TEKT3: variants seen among roughly 807,000 people sequenced by gnomAD.
The protein encoded by TEKT3 is tektin 3.
Under a neutral mutation model 49.8 loss-of-function variants are expected in TEKT3, and 49 were observed. That is an observed-to-expected ratio of 0.98 (90% confidence interval 0.78 to 1.25). TEKT3 has a LOEUF of 1.25. Among genes scored for constraint, TEKT3 ranks in the 50% most tolerant of loss-of-function variants. The probability of loss-of-function intolerance (pLI) is 0.00; values close to 1 mark genes in which losing one functional copy is unlikely to be tolerated. For missense variants in TEKT3, 595 were observed against 629.5 expected, an observed-to-expected ratio of 0.95 and a Z score of 0.59; for synonymous variants, 225 against 237.2, an observed-to-expected ratio of 0.95 and a Z score of 0.47.
At chr17:15,314,043 T>C (rs1710264357) in intron 6 of TEKT3, 44 bp downstream of exon 6, 2 of 1,613,418 alleles carry the variant, frequency 1.2e-6, no homozygotes, top group South Asian at 1.1e-5. Context: ...GGAGAAAGAG[T>C]TAAATGACAT....
chr17:15,313,925 C>T (rs1910879113), intron 6 of TEKT3, among the ~76,000 whole-genome samples, 162 bp downstream of exon 6: 1 of 152,242 alleles, frequency 6.6e-6, no homozygotes, highest in South Asian at 2.1e-4. Flanking sequence ...GGTCTGACCA[C>T]AGAACGTGCT....
chr17:15,331,649 C>T, intron 2 of TEKT3, 35 bp from the exon 3 acceptor site: 2 of 1,461,964 alleles, frequency 1.4e-6, no homozygotes, highest in Non-Finnish European at 1.8e-6. Flanking sequence ...AAGACAGTCA[C>T]ATAAAATAAT....
Position 15,304,604 on chromosome 17 carries a change from G to A in TEKT3, c.1257-452C>T, listed in dbSNP as rs1910465074. Among the ~76,000 whole-genome samples, 1 of 152,118 alleles carries A rather than the reference G, an allele frequency of 6.6e-6. No homozygotes were observed. Among genetic ancestry groups the A allele is most frequent in the South Asian group, 2.1e-4 (1 of 4,822 alleles). ...TGTACCTGCTTATCCAGGAAGCTAA[G>A]AAGGAAATTCAGCGCTTCAGTGGCC... On this transcript the variant is annotated intron_variant, in intron 8 of 8. Transcript: ENST00000395930. This position sits in a 1 kb window ranked among gnomAD's most constrained non-coding sequence, Gnocchi z 4.7.
chr17:15,337,536 A>C (rs1381610921), intron 2 of TEKT3, among the ~76,000 whole-genome samples: 1 of 152,210 alleles, frequency 6.6e-6, no homozygotes, highest in Non-Finnish European at 1.5e-5. Context: ...AATATAAAAC[A>C]CAAATAAGTT....
intron 2 of TEKT3, 71 bp from the exon 3 acceptor site, chr17:15,331,685 GC>G: frequency 1.7e-6 from 2 of 1,192,166 alleles, no homozygotes; most frequent in Non-Finnish European, 2.3e-6. Flanking sequence ...CAGATAAAAG[GC>G]CACATCTGAC....
At chr17:15,322,660 G>A (rs924356663) in intron 4 of TEKT3, among the ~76,000 whole-genome samples, 1 of 152,162 alleles carries the variant, frequency 6.6e-6, no homozygotes, top group African/African-American at 2.4e-5. Context: ...CTTTATATGT[G>A]GTTCTATTTA....
chr17:15,317,341 A>G (rs999540927), intron 5 of TEKT3, among the ~76,000 whole-genome samples: 1 of 152,180 alleles, frequency 6.6e-6, no homozygotes, highest in African/African-American at 2.4e-5. Context: ...AACACAAAAG[A>G]TGGGCAGCAG....
At chr17:15,330,565 G>T (rs1334511482) in intron 3 of TEKT3, among the ~76,000 whole-genome samples, 1 of 152,172 alleles carries the variant, frequency 6.6e-6, no homozygotes, top group Non-Finnish European at 1.5e-5. Flanking sequence ...CTTCTGCCAT[G>T]ATTGGAAGCT....
At chr17:15,327,516 C>CAA (rs34068186) in intron 4 of TEKT3, among the ~76,000 whole-genome samples, 24 of 128,196 alleles carry the variant, frequency 1.9e-4, no homozygotes, top group Middle Eastern at 4.1e-3. Flanking sequence ...GACTCTGTCT[C>CAA]AAAAAAAAAA....
chr17:15,312,095 T>G (rs1910792387), intron 7 of TEKT3, among the ~76,000 whole-genome samples, 164 bp downstream of exon 7: 1 of 152,202 alleles, frequency 6.6e-6, no homozygotes, highest in African/African-American at 2.4e-5. Context: ...GCTACCTGGC[T>G]GAAATAAATG....
upstream of TEKT3, among the ~76,000 whole-genome samples, chr17:15,341,977 C>G (rs1024623714): frequency 1.3e-5 from 2 of 152,148 alleles, no homozygotes; most frequent in South Asian, 4.1e-4. Context: ...TAACACCTGC[C>G]TAGGTGTTGA....
At chr17:15,323,964 G>C (rs1374898047) in intron 4 of TEKT3, among the ~76,000 whole-genome samples, 1 of 152,170 alleles carries the variant, frequency 6.6e-6, no homozygotes. Context: ...TAATTCACTT[G>C]TTTAAAGTGT....
chr17:15,317,874 G>A (rs1395455381), intron 5 of TEKT3, among the ~76,000 whole-genome samples: 1 of 151,620 alleles, frequency 6.6e-6, no homozygotes, highest in Non-Finnish European at 1.5e-5. Context: ...CCCATCCCCT[G>A]GAAGAATGTG....
At chr17:15,330,895 G>C in intron 3 of TEKT3, 112 bp downstream of exon 3, 1 of 1,087,130 alleles carries the variant, frequency 9.2e-7, no homozygotes, top group South Asian at 1.7e-5. Context: ...ATTGATAGGG[G>C]GTTGGCTTCA....
chr17:15,331,277 A>G lies in TEKT3; in HGVS notation c.309T>C (p.Asn103=), dbSNP rs1249205642. 6.2e-7 allele frequency: 1 copy of G among 1,614,094 alleles called. No individual in the cohort carries two copies. The highest frequency in any genetic ancestry group is 2.2e-5 in the East Asian group (1 of 44,890). The part of the protein sequence containing the change: ...RYTPDDWYRS[N]LTNYQESNTS... The stretch of plus-strand genomic sequence containing the variant: ...TGTTGGACTCTTGATAGTTGGTTAA[A>G]TTGGACCTGTACCAGTCATCCGGTG... The change falls in exon 3 of 9, where the codon AAT becomes AAC. Residue 103 remains asparagine, a synonymous_variant. Transcript: ENST00000395930.
Position 15,305,368 on chromosome 17 carries a change from G to T in TEKT3, c.1257-1216C>A, listed in dbSNP as rs543411983. Among the ~76,000 whole-genome samples the T allele has an allele frequency of 5.3e-4, 80 of 152,318 alleles. No homozygotes were observed. In the South Asian group the frequency reaches 0.016, roughly 31 times the overall value. On this transcript the variant is annotated intron_variant, in intron 8 of 8. Transcript: ENST00000395930. ...CTACTGTCTCCTGCTTTCCAATGGG[G>T]AGGGGAAGAATTAAAGTTTAAGTGC... is the stretch of plus-strand genomic sequence containing the variant.
In TEKT3 at chr17:15,308,645, C is replaced by A. The variant is rs1567572934; in HGVS notation, c.1256+19G>T. ...GGTGGCCCTCCGAGCGAGCCCCGAG[C>A]CTTCCCCTCCCACCTTACCGTAGCT... On this transcript the variant is annotated intron_variant, in intron 8 of 8. Coordinates refer to ENST00000395930, the MANE Select transcript of TEKT3 (RefSeq NM_031898.3). 1.3e-6 allele frequency: 2 copies of A among 1,595,884 alleles called. No individual in the cohort carries two copies. The highest frequency in any genetic ancestry group is 1.7e-6 in the Non-Finnish European group (2 of 1,166,972).
chr17:15,327,642 T>C, intron 4 of TEKT3: 1 of 225,542 alleles, frequency 4.4e-6, no homozygotes, highest in Non-Finnish European at 8.9e-6. Flanking sequence ...AGCATCATTG[T>C]GTGAGTTAGG....
chr17:15,324,898 GT>G (rs1345215315), intron 4 of TEKT3, among the ~76,000 whole-genome samples: 1 of 152,074 alleles, frequency 6.6e-6, no homozygotes, highest in African/African-American at 2.4e-5. Flanking sequence ...AAGTCTTACA[GT>G]TTTAGCTCTT....
Sources: gnomAD v4.1 joint callset for allele counts (sites outside exome capture counted in the v4.1 genomes callset) on GRCh38, gnomAD v4.1.1 for gene constraint, Gnocchi (gnomAD v3.1) non-coding constraint, MANE v1.5 for transcripts, NCBI Gene and HGNC (gene_info 2026-07-23, HGNC 2026-07-21) for gene names.